The following DNAJC6 variants were observed in gnomAD, a reference collection of about 807,000 sequenced individuals.
DNAJC6 encodes auxilin.
Under a neutral mutation model 110.0 loss-of-function variants are expected in DNAJC6, and 34 were observed. That is an observed-to-expected ratio of 0.31 (90% confidence interval 0.24 to 0.41). DNAJC6 has a LOEUF of 0.41. Among genes scored for constraint, DNAJC6 ranks in the 10% least tolerant of loss-of-function variants. DNAJC6 has a pLI of 1.00. For synonymous variants in DNAJC6, 406 were observed against 437.2 expected, an observed-to-expected ratio of 0.93 and a Z score of 0.89; for missense variants, 1,031 against 1,207.8, an observed-to-expected ratio of 0.85 and a Z score of 2.17.
At chr1:65,367,134 C>T (rs147511228) in intron 4 of DNAJC6, among the ~76,000 whole-genome samples, 66 of 152,170 alleles carry the variant, frequency 4.3e-4, no homozygotes, top group African/African-American at 1.5e-3. Context: ...TCTTTTTCAG[C>T]GTATTCTGAG....
intron 1 of DNAJC6, among the ~76,000 whole-genome samples, chr1:65,286,915 G>A (rs936576342): frequency 6.6e-6 from 1 of 152,208 alleles, no homozygotes; most frequent in African/African-American, 2.4e-5. Flanking sequence ...CTAATAGATA[G>A]TGTAGCCAGG....
rs1343638699 is a variant in DNAJC6, at chr1:65,414,768, C to T, written c.*1743C>T. 1.3e-5 allele frequency: 2 copies of T among 152,566 alleles called. No individual in the cohort carries two copies. The highest frequency in any genetic ancestry group is 2.9e-5 in the Non-Finnish European group (2 of 68,020). The allele number at this position is 152,566 out of a possible 1,614,324, so 9.5% of individuals were successfully genotyped here. ...AAAATAATGTTTGATCCAGTATGTG[C>T]TTGTCTTATTTAAAATTGGAATGTG... On this transcript the variant is annotated 3_prime_UTR_variant, in exon 19 of 19. Transcript: ENST00000371069.
intron 1 of DNAJC6, among the ~76,000 whole-genome samples, chr1:65,276,380 G>T (rs1313057561): frequency 6.6e-6 from 1 of 152,076 alleles, no homozygotes; most frequent in Non-Finnish European, 1.5e-5. Context: ...GTCCAGTATT[G>T]TGTATGAAGA....
rs1242574441 is a variant in DNAJC6, at chr1:65,309,902, C to CA, written c.158dup (p.Pro54AlafsTer28). The CA allele has an allele frequency of 6.5e-7, 1 of 1,539,720 alleles. No individual in the cohort carries two copies. The highest frequency in any genetic ancestry group is 1.4e-5 in the African/African-American group (1 of 71,994). On this transcript the variant is annotated frameshift_variant, in exon 1 of 19. Transcript: ENST00000371069. LOFTEE classifies it high-confidence loss of function. ...GGCAGCGGCGCGGAGTCCCGCCCGA[C>CA]AGCCTCCGGACCGCGCCAGCACCAT...
At chr1:65,290,890 A>C in intron 1 of DNAJC6, among the ~76,000 whole-genome samples, 1 of 152,216 alleles carries the variant, frequency 6.6e-6, no homozygotes, top group East Asian at 1.9e-4. Flanking sequence ...GTTGTGTAGG[A>C]AAATGTCCCC....
At chr1:65,331,487 A>C (rs1453718907) in intron 1 of DNAJC6, among the ~76,000 whole-genome samples, 1 of 152,210 alleles carries the variant, frequency 6.6e-6, no homozygotes, top group Non-Finnish European at 1.5e-5. Context: ...AGTTTTCCAA[A>C]GAGGTGAAAC....
At chr1:65,299,452 T>C (rs1020474925) in intron 1 of DNAJC6, among the ~76,000 whole-genome samples, 10 of 152,228 alleles carry the variant, frequency 6.6e-5, no homozygotes, top group African/African-American at 2.2e-4. Flanking sequence ...GGGCTGGGTC[T>C]GTCCTGAAAG....
At chr1:65,374,874 G>A (rs776317387) in intron 4 of DNAJC6, among the ~76,000 whole-genome samples, 2 of 152,084 alleles carry the variant, frequency 1.3e-5, no homozygotes, top group Non-Finnish European at 2.9e-5. Context: ...TAGAGGAAAG[G>A]CCTTCAATTT....
intron 1 of DNAJC6, among the ~76,000 whole-genome samples, chr1:65,304,064 C>T (rs1645014866): frequency 6.6e-6 from 1 of 151,906 alleles, no homozygotes; most frequent in Non-Finnish European, 1.5e-5. Context: ...AAGTCTGCCT[C>T]AAAATAAGAA....
intron 1 of DNAJC6, among the ~76,000 whole-genome samples, chr1:65,286,337 C>T (rs1478621296): frequency 6.6e-6 from 1 of 152,086 alleles, no homozygotes; most frequent in East Asian, 1.9e-4. Context: ...ACCTCAACCA[C>T]TGTGGCACAA....
At chr1:65,286,295 G>GA (rs1337839508) in intron 1 of DNAJC6, among the ~76,000 whole-genome samples, 1 of 151,968 alleles carries the variant, frequency 6.6e-6, no homozygotes, top group Non-Finnish European at 1.5e-5. Flanking sequence ...CACCCAGGCT[G>GA]AAATGCAGTG....
intron 5 of DNAJC6, among the ~76,000 whole-genome samples, chr1:65,383,193 G>A (rs1645839793): frequency 6.6e-6 from 1 of 152,214 alleles, no homozygotes; most frequent in African/African-American, 2.4e-5. Context: ...TGTCAGGGAT[G>A]TTACTGAATT....
At position 65,413,000 on chromosome 1, in the gene DNAJC6, ACCAAGGCCAAAAG is replaced by A; in HGVS notation, c.2891_2903del (p.Gln964ProfsTer6). 6.2e-7 allele frequency: 1 copy of A among 1,613,996 alleles called. No homozygotes were observed. The highest frequency in any genetic ancestry group is 8.5e-7 in the Non-Finnish European group (1 of 1,179,976). On this transcript the variant is annotated frameshift_variant, in exon 19 of 19. Transcript: ENST00000371069. LOFTEE classifies it high-confidence loss of function. The stretch of plus-strand genomic sequence containing the variant: ...AATGATGCCTGGTCTGAATTTGAAA[ACCAAGGCCAAAAG>A]CCCTTATATTAATTTATGAGCTTTT...
At position 65,366,197 on chromosome 1, in the gene DNAJC6, G is replaced by C. The variant is rs1645644792; in HGVS notation, c.543+1G>C. 1 of 1,613,408 alleles carries C rather than the reference G, an allele frequency of 6.2e-7. No homozygotes were observed. The highest frequency in any genetic ancestry group is 8.5e-7 in the Non-Finnish European group (1 of 1,179,570). ...TCGAACTGCCAAGTTTCACAGCCGGGTAAGGATTTTTAGCCCTGAGATCAT... is the reference window on the plus strand; with the variant it reads ...TCGAACTGCCAAGTTTCACAGCCGGCTAAGGATTTTTAGCCCTGAGATCAT... On this transcript the variant is annotated splice_donor_variant, in intron 4 of 18. Coordinates refer to ENST00000371069, the MANE Select transcript of DNAJC6 (RefSeq NM_001256864.2). LOFTEE classifies it high-confidence loss of function.
In DNAJC6 at chr1:65,405,925, C is replaced by T. The variant is rs1646071485; in HGVS notation, c.2283C>T (p.Phe761=). 3 of 1,614,002 alleles carry T rather than the reference C, an allele frequency of 1.9e-6. No individual in the cohort carries two copies. The highest frequency in any genetic ancestry group is 2.5e-6 in the Non-Finnish European group (3 of 1,179,942). ...PTTPTGLGGG[F]PPLSSPQKAS... ...CACCAACTGGATTGGGTGGAGGATT[C>T]CCGCCTCTCAGCTCGCCACAGAAGG... Residue 761 remains phenylalanine (F), a synonymous_variant, in exon 16 of 19, where the codon TTC becomes TTT. Coordinates refer to ENST00000371069, the MANE Select transcript of DNAJC6 (RefSeq NM_001256864.2).
intron 1 of DNAJC6, among the ~76,000 whole-genome samples, chr1:65,311,510 C>T (rs1165923072): frequency 6.6e-6 from 1 of 152,124 alleles, no homozygotes; most frequent in Non-Finnish European, 1.5e-5. Context: ...CAGGCATGAG[C>T]CACCGCGCCC....
chr1:65,374,535 G>A (rs1427398846), intron 4 of DNAJC6, among the ~76,000 whole-genome samples: 1 of 151,700 alleles, frequency 6.6e-6, no homozygotes, highest in Non-Finnish European at 1.5e-5. Flanking sequence ...TATATTTTTT[G>A]TAGCTATTGG....
chr1:65,274,951 T>C (rs1371475410), intron 1 of DNAJC6, among the ~76,000 whole-genome samples: 1 of 152,162 alleles, frequency 6.6e-6, no homozygotes, highest in Non-Finnish European at 1.5e-5. Context: ...ATTACCCCAG[T>C]GCTTCTTATA....
At chr1:65,317,696 A>C (rs1409294442) in intron 1 of DNAJC6, among the ~76,000 whole-genome samples, 4 of 152,228 alleles carry the variant, frequency 2.6e-5, no homozygotes, top group African/African-American at 9.6e-5. Flanking sequence ...TGTGTTTGGC[A>C]TACATTGTAA....
Sources: allele counts gnomAD v4.1 joint callset (sites outside exome capture counted in the v4.1 genomes callset), GRCh38; gene constraint gnomAD v4.1.1; transcripts MANE v1.5; gene names NCBI Gene and HGNC (gene_info 2026-07-23, HGNC 2026-07-21).